Variants in EIF4A1 observed in about 807,000 individuals in gnomAD.
The protein encoded by EIF4A1 is eukaryotic initiation factor 4A-I.
Under a neutral mutation model 53.5 loss-of-function variants are expected in EIF4A1, and 11 were observed. The observed-to-expected ratio is 0.21, with a 90% confidence interval of 0.13 to 0.34. The LOEUF (loss-of-function observed/expected upper bound fraction) is 0.34, where lower values mean the gene tolerates loss of function less well. Ranked by LOEUF, EIF4A1 falls within the 10% of genes least tolerant of loss-of-function variation. The pLI, the probability that EIF4A1 is intolerant of heterozygous loss-of-function variation, is 1.00. For synonymous variants in EIF4A1, 237 were observed against 186.7 expected (o/e 1.27, Z -2.20); for missense variants, 213 against 530.8 (o/e 0.40, Z 5.88).
chr17:7,576,175 GAA>G (rs373861977), intron 4 of EIF4A1: 1 of 168,610 alleles, frequency 5.9e-6, no homozygotes, highest in Non-Finnish European at 1.2e-5. Flanking sequence ...CTCAAAAAAA[GAA>G]AAAAAAAATG....
rs540578884 is a variant in EIF4A1, at chr17:7,577,589, A to C, written c.789A>C (p.Leu263=). ...TCCAGGAGTGGAAGCTGGACACACTATGTGACTTGTATGAAACCCTGACCA... is the reference window on the plus strand; with the variant it reads ...TCCAGGAGTGGAAGCTGGACACACTCTGTGACTTGTATGAAACCCTGACCA... ...VEREEWKLDT[L]CDLYETLTIT... The change falls in exon 8 of 11, where the codon CTA becomes CTC. Residue 263 remains leucine, a synonymous_variant. Coordinates refer to ENST00000293831, the MANE Select transcript of EIF4A1 (RefSeq NM_001416.4). This position sits in a 1 kb window ranked among gnomAD's most constrained non-coding sequence, Gnocchi z 4.7. 4 of 1,613,680 alleles carry C rather than the reference A, an allele frequency of 2.5e-6. No homozygotes were observed. The South Asian group carries it at 3.3e-5, about 13-fold the overall frequency.
chr17:7,574,733 T>C (rs1348296693), intron 3 of EIF4A1, 55 bp downstream of exon 3: 1 of 1,608,624 alleles, frequency 6.2e-7, no homozygotes, highest in Non-Finnish European at 8.5e-7. Flanking sequence ...CTGGGTAGAG[T>C]GGCATCTGGT....
At chr17:7,573,108 G>T in intron 1 of EIF4A1, 1 of 626,416 alleles carries the variant, frequency 1.6e-6, no homozygotes. Context: ...GCCTCGACCC[G>T]AGGCGGTGCC....
chr17:7,574,190 G>A (rs2071367819), intron 1 of EIF4A1, 70 bp from the exon 2 acceptor site: 2 of 1,594,766 alleles, frequency 1.3e-6, no homozygotes, highest in South Asian at 1.1e-5. Flanking sequence ...ACTCCTGACA[G>A]AGCCCGGCTG....
Position 7,578,006 on chromosome 17 carries a change from G to A in EIF4A1, c.996+90G>A, listed in dbSNP as rs986984469. The A allele has an allele frequency of 8.8e-6, 14 of 1,585,858 alleles. 1 individual carries two copies. The highest frequency in any genetic ancestry group is 1.2e-5 in the Non-Finnish European group (14 of 1,154,718). On this transcript the variant is annotated intron_variant, in intron 9 of 10. Transcript: ENST00000293831. ...GACATCAGTGCCTCTCAGGAAAGTA[G>A]CAGCTTGGAATAGAATCTGGCATGC... is the stretch of plus-strand genomic sequence containing the variant.
At position 7,578,434 on chromosome 17, in the gene EIF4A1, T is replaced by C; in HGVS notation, c.1169T>C (p.Phe390Ser). Residue 390 changes from phenylalanine (F) to serine (S), a missense_variant, in exon 11 of 11, where the codon TTC becomes TCC. By Grantham distance (155) the Phe-to-Ser change is radical (BLOSUM62 -2). Coordinates refer to ENST00000293831, the MANE Select transcript of EIF4A1 (RefSeq NM_001416.4). ...AGGACTCTTCGAGACATTGAGACCT[T>C]CTACAACACCTCCATTGAGGAAATG... ...DKRTLRDIET[F>S]YNTSIEEMPL... 1.9e-6 allele frequency: 3 copies of C among 1,613,586 alleles called. No homozygotes were observed. The highest frequency in any genetic ancestry group is 2.5e-6 in the Non-Finnish European group (3 of 1,179,690).
In EIF4A1 at chr17:7,577,123, C is replaced by A; in HGVS notation, c.582C>A (p.Asp194Glu). The A allele has an allele frequency of 6.2e-7, 1 of 1,610,776 alleles. No individual in the cohort carries two copies. The highest frequency in any genetic ancestry group is 8.5e-7 in the Non-Finnish European group (1 of 1,179,054). Residue 194 changes from aspartate to glutamate, a missense_variant, in exon 6 of 11, where the codon GAC becomes GAA. Physicochemically the swap from Asp to Glu is conservative, Grantham distance 45 (BLOSUM62 2). Transcript: ENST00000293831. The surrounding 1 kb of genome is among the most constrained non-coding windows in gnomAD (Gnocchi z 4.7). ...ADEMLSRGFK[D>E]QIYDIFQKLN... Reference sequence around the variant, plus strand: ...AAATGTTAAGCCGTGGATTCAAGGACCAGATCTATGACATATTCCAAAAGC... The same window carrying A: ...AAATGTTAAGCCGTGGATTCAAGGAACAGATCTATGACATATTCCAAAAGC...
chr17:7,577,753 T>G lies in EIF4A1; in HGVS notation c.906+47T>G, dbSNP rs2071420947. The G allele has an allele frequency of 6.2e-7, 1 of 1,613,938 alleles. No individual in the cohort carries two copies. On this transcript the variant is annotated intron_variant, in intron 8 of 10. Coordinates refer to ENST00000293831, the MANE Select transcript of EIF4A1 (RefSeq NM_001416.4). The surrounding 1 kb of genome is among the most constrained non-coding windows in gnomAD (Gnocchi z 4.7). Reference sequence around the variant, plus strand: ...CTGTTGTGGGTCTGCCCGTCAGAAGTGTCCTACTTGAAGCCAGGGTTCCTG... The same window carrying G: ...CTGTTGTGGGTCTGCCCGTCAGAAGGGTCCTACTTGAAGCCAGGGTTCCTG...
intron 4 of EIF4A1, 79 bp downstream of exon 4, chr17:7,575,337 C>G (rs2071386307): frequency 6.3e-7 from 1 of 1,595,040 alleles, no homozygotes; most frequent in African/African-American, 1.3e-5. Context: ...GAAGTCTTCT[C>G]TGATCACCAC....
chr17:7,576,855 C>T (rs1343541465), intron 5 of EIF4A1, 163 bp downstream of exon 5: 1 of 1,397,178 alleles, frequency 7.2e-7, no homozygotes, highest in South Asian at 1.2e-5. Flanking sequence ...CTCTGGCTTC[C>T]CTGCCAGTGC....
intron 1 of EIF4A1, chr17:7,573,423 G>T (rs2071353122): frequency 6.5e-6 from 1 of 154,196 alleles, no homozygotes; most frequent in African/African-American, 2.4e-5. Context: ...CCCGAGGAGC[G>T]GCCGCGTGAG....
rs562387568 is a variant in EIF4A1, at chr17:7,574,374, G to A, written c.72+66G>A. The A allele has an allele frequency of 5.9e-4, 945 of 1,611,368 alleles. 19 individuals carry two copies. The South Asian group carries it at 9.9e-3, about 17-fold the overall frequency. The stretch of plus-strand genomic sequence containing the variant: ...ACTTTCAGCCGTATAGAGTTAGAGT[G>A]GCCTCTTGATTGATTTCCCAGATCA... On this transcript the variant is annotated intron_variant, in intron 2 of 10. Transcript: ENST00000293831.
chr17:7,577,974 C>T lies in EIF4A1; in HGVS notation c.996+58C>T, dbSNP rs1555568281. ...GGGAGGATCCAAGGTGATTCCCTCTCCAAGGGGACATCAGTGCCTCTCAGG... is the reference window on the plus strand; with the variant it reads ...GGGAGGATCCAAGGTGATTCCCTCTTCAAGGGGACATCAGTGCCTCTCAGG... On this transcript the variant is annotated intron_variant, in intron 9 of 10. Transcript: ENST00000293831. The surrounding 1 kb of genome is among the most constrained non-coding windows in gnomAD (Gnocchi z 4.7). 1.2e-6 allele frequency: 2 copies of T among 1,603,120 alleles called. No individual in the cohort carries two copies. Among genetic ancestry groups the T allele is most frequent in the East Asian group, 4.5e-5 (2 of 44,820 alleles).
rs753791241 is a variant in EIF4A1, at chr17:7,574,674, C to T, written c.201C>T (p.Ile67=). Residue 67 remains isoleucine (I), a synonymous_variant, in exon 3 of 11, where the codon ATC becomes ATT. Transcript: ENST00000293831. ...AGCAGCGAGCCATTCTACCTTGTAT[C>T]AAGGGTGAGACCTCTCAGTCCCAGA... is the stretch of plus-strand genomic sequence containing the variant. ...AIQQRAILPC[I]KGYDVIAQAQ... The T allele has an allele frequency of 2.5e-6, 4 of 1,612,338 alleles. No homozygotes were observed.
chr17:7,576,682 G>A lies in EIF4A1; in HGVS notation c.504G>A (p.Arg168=), dbSNP rs61730297. Residue 168 remains arginine (R), a synonymous_variant, in exon 5 of 11, where the codon CGG becomes CGA. Coordinates refer to ENST00000293831, the MANE Select transcript of EIF4A1 (RefSeq NM_001416.4). ...TPGRVFDMLN[R]RYLSPKYIKM... is the part of the protein sequence containing the mutation. ...GCCGTGTGTTTGATATGCTTAACCG[G>A]AGATACCTGTGTGAGTAATTCGGTT... The A allele has an allele frequency of 5.0e-6, 8 of 1,605,706 alleles. No individual in the cohort carries two copies. The highest frequency in any genetic ancestry group is 6.8e-6 in the Non-Finnish European group (8 of 1,175,548).
rs757879636 is a variant in EIF4A1 at position 7,577,968 on chromosome 17, C to T, written c.996+52C>T. ...GCAGAAGGGAGGATCCAAGGTGATT[C>T]CCTCTCCAAGGGGACATCAGTGCCT... On this transcript the variant is annotated intron_variant, in intron 9 of 10. Transcript: ENST00000293831. The surrounding 1 kb of genome is among the most constrained non-coding windows in gnomAD (Gnocchi z 4.7). 4 of 1,609,316 alleles carry T rather than the reference C, an allele frequency of 2.5e-6. No individual in the cohort carries two copies. In the Admixed American group the frequency reaches 5.0e-5, roughly 20 times the overall value.
In EIF4A1 at chr17:7,574,256, A is replaced by G; in HGVS notation, c.24-4A>G. ...GGGACAAAACTTATGCTTTAAACCA[A>G]CAGATCCAGAGACAATGGCCCCGAT... On this transcript the variant is annotated splice_polypyrimidine_tract_variant and splice_region_variant and intron_variant, in intron 1 of 10. Transcript: ENST00000293831. 1 of 1,614,162 alleles carries G rather than the reference A, an allele frequency of 6.2e-7. No homozygotes were observed. Among genetic ancestry groups the G allele is most frequent in the Non-Finnish European group, 8.5e-7 (1 of 1,180,022 alleles).
At chr17:7,575,423 G>A (rs531242956) in intron 4 of EIF4A1, 165 bp downstream of exon 4, 9 of 1,054,060 alleles carry the variant, frequency 8.5e-6, no homozygotes, top group African/African-American at 6.3e-5. Flanking sequence ...TTACCCAAAC[G>A]TAACCATTGC....
In EIF4A1 at chr17:7,577,566, C is replaced by A; in HGVS notation, c.769-3C>A. On this transcript the variant is annotated splice_region_variant and splice_polypyrimidine_tract_variant and intron_variant, in intron 7 of 10. Transcript: ENST00000293831. The surrounding 1 kb of genome is among the most constrained non-coding windows in gnomAD (Gnocchi z 4.7). ...TGACTGATTTTTGTCCCCCAACCTCCAGGAGTGGAAGCTGGACACACTATG... is the reference window on the plus strand; with the variant it reads ...TGACTGATTTTTGTCCCCCAACCTCAAGGAGTGGAAGCTGGACACACTATG... 1 of 1,613,208 alleles carries A rather than the reference C, an allele frequency of 6.2e-7. No individual in the cohort carries two copies. The highest frequency in any genetic ancestry group is 1.1e-5 in the South Asian group (1 of 91,030).
Sources: gnomAD v4.1 joint callset for allele counts on GRCh38, gnomAD v4.1.1 for gene constraint, Gnocchi (gnomAD v3.1) non-coding constraint, MANE v1.5 for transcripts, NCBI Gene and HGNC (gene_info 2026-07-23, HGNC 2026-07-21) for gene names.